Variants in TPST2 observed in about 807,000 individuals in gnomAD.
TPST2 encodes the protein tyrosylprotein sulfotransferase 2.
In TPST2, 16 loss-of-function variants were observed where a neutral mutation model predicts 27.8. The observed-to-expected ratio is 0.58, with a 90% CI of 0.39 to 0.88. The LOEUF is 0.88. Ranked by LOEUF, TPST2 falls within the 40% of genes least tolerant of loss-of-function variation. TPST2 has a pLI of 0.00. For synonymous variants in TPST2, 229 were observed against 231.7 expected, an observed-to-expected ratio of 0.99 and a Z score of 0.10; for missense variants, 464 against 543.1, an observed-to-expected ratio of 0.85 and a Z score of 1.45.
chr22:26,538,513 C>T lies in TPST2; in HGVS notation c.843-2027G>A, dbSNP rs189710900. 2.3e-3 allele frequency among the ~76,000 whole-genome samples: 352 copies of T among 152,322 alleles called. 2 individuals are homozygous for T. Among genetic ancestry groups the T allele is most frequent in the African/African-American group, 7.9e-3 (328 of 41,566 alleles). On this transcript the variant is annotated intron_variant, in intron 3 of 6. Coordinates refer to ENST00000338754, the MANE Select transcript of TPST2 (RefSeq NM_003595.5). ...TATGGCAATCCGTGTAGCAGCCTGT[C>T]GCACAGCTATTCAAAATGATGCTGC...
rs1285143736 is a variant in TPST2 at position 26,522,008 on chromosome 22, A to C, written c.*4267T>G. On this transcript the variant is annotated 3_prime_UTR_variant, in exon 7 of 7. Coordinates refer to ENST00000338754, the MANE Select transcript of TPST2 (RefSeq NM_003595.5). The stretch of plus-strand genomic sequence containing the variant: ...TGAGAAGATATGGTTGGTTCATCAC[A>C]ACCTTTTATTTCACAATATTAATAG... 1.3e-5 allele frequency: 2 copies of C among 152,284 alleles called. No individual in the cohort carries two copies. Among genetic ancestry groups the C allele is most frequent in the Non-Finnish European group, 2.9e-5 (2 of 68,016 alleles). The allele number at this position is 152,284 out of a possible 1,614,324, so 9.4% of individuals were successfully genotyped here.
At chr22:26,582,978 G>A (rs1214750502) in intron 1 of TPST2, among the ~76,000 whole-genome samples, 3 of 152,006 alleles carry the variant, frequency 2.0e-5, no homozygotes, top group Non-Finnish European at 4.4e-5. Flanking sequence ...AGTATGCAAT[G>A]GGGACAACCT....
chr22:26,579,367 G>T (rs1408342604), intron 1 of TPST2, among the ~76,000 whole-genome samples: 1 of 152,206 alleles, frequency 6.6e-6, no homozygotes, highest in Non-Finnish European at 1.5e-5. Flanking sequence ...ACCAAAAACA[G>T]CATCTGCCGT....
intron 1 of TPST2, among the ~76,000 whole-genome samples, chr22:26,547,265 A>G (rs578146477): frequency 3.9e-5 from 6 of 151,970 alleles, no homozygotes; most frequent in Non-Finnish European, 8.8e-5. Context: ...TGCCTGGCTA[A>G]TATTTGTATT....
rs561491432 is a variant in TPST2, at chr22:26,585,941, G to A, written c.-161+4112C>T. The stretch of plus-strand genomic sequence containing the variant: ...GCCTGTAGTTCCAGCTACTCGGGAG[G>A]CTGAGGCAGGAGAATGGCGTGAACC... On this transcript the variant is annotated intron_variant, in intron 1 of 6. Coordinates refer to ENST00000338754, the MANE Select transcript of TPST2 (RefSeq NM_003595.5). 7.2e-5 allele frequency among the ~76,000 whole-genome samples: 11 copies of A among 152,250 alleles called. No homozygotes were observed. In the South Asian group the frequency reaches 2.1e-3, roughly 29 times the overall value.
At chr22:26,589,472 G>C (rs1029230349) in intron 1 of TPST2, among the ~76,000 whole-genome samples, 1 of 151,710 alleles carries the variant, frequency 6.6e-6, no homozygotes, top group African/African-American at 2.4e-5. Flanking sequence ...GGGTTGGGGT[G>C]GGATCCTCGG....
intron 1 of TPST2, among the ~76,000 whole-genome samples, chr22:26,545,106 A>T (rs886894808): frequency 6.6e-6 from 1 of 152,194 alleles, no homozygotes; most frequent in Non-Finnish European, 1.5e-5. Flanking sequence ...GGACTGCACA[A>T]TTCCAAATGG....
intron 1 of TPST2, among the ~76,000 whole-genome samples, chr22:26,584,550 C>A (rs1928262217): frequency 6.6e-6 from 1 of 152,042 alleles, no homozygotes; most frequent in Admixed American, 6.6e-5. Context: ...CCTGTAACCC[C>A]AGCACTTGAG....
intron 1 of TPST2, among the ~76,000 whole-genome samples, chr22:26,586,802 G>A (rs1928364433): frequency 6.6e-6 from 1 of 152,180 alleles, no homozygotes; most frequent in South Asian, 2.1e-4. Context: ...CCTTCTCAAG[G>A]AACTCTTCCT....
intron 1 of TPST2, among the ~76,000 whole-genome samples, chr22:26,564,177 G>T (rs1927266952): frequency 6.6e-6 from 1 of 152,244 alleles, no homozygotes; most frequent in Non-Finnish European, 1.5e-5. Flanking sequence ...GACCTCTAAG[G>T]CCTCTCCCAG....
At chr22:26,564,269 T>C (rs1388480599) in intron 1 of TPST2, among the ~76,000 whole-genome samples, 15 of 152,180 alleles carry the variant, frequency 9.9e-5, no homozygotes, top group Non-Finnish European at 5.9e-5. Context: ...CAGTAGCTGC[T>C]TGGAGCAGGA....
intron 1 of TPST2, among the ~76,000 whole-genome samples, chr22:26,557,772 C>T (rs547298112): frequency 9.1e-5 from 8 of 87,770 alleles, no homozygotes; most frequent in Admixed American, 3.2e-4. Context: ...TGGGGTCAGA[C>T]GTGGTGGCCC....
At position 26,540,945 on chromosome 22, in the gene TPST2, C is replaced by A. The variant is rs1925767193; in HGVS notation, c.686G>T (p.Gly229Val). 6.2e-7 allele frequency: 1 copy of A among 1,614,082 alleles called. No individual in the cohort carries two copies. Among genetic ancestry groups the A allele is most frequent in the Non-Finnish European group, 8.5e-7 (1 of 1,180,036 alleles). ...EVMYAQCMEV[G>V]KEKCLPVYYE... ...GTACACAGGCAGGCACTTCTCCTTG[C>A]CTACCTCCATGCACTGGGCGTACAT... The change falls in exon 3 of 7, where the codon GGC becomes GTC. Residue 229 changes from glycine to valine, a missense_variant. Gly to Val is a moderately radical substitution (Grantham distance 109). Coordinates refer to ENST00000338754, the MANE Select transcript of TPST2 (RefSeq NM_003595.5).
In TPST2 at chr22:26,551,573, C is replaced by G. The variant is rs148705274; in HGVS notation, c.-160-6898G>C. Among the ~76,000 whole-genome samples the G allele has an allele frequency of 1.2e-3, 180 of 152,000 alleles. 1 individual carries two copies. Among genetic ancestry groups the G allele is most frequent in the African/African-American group, 4.1e-3 (170 of 41,464 alleles). ...TGTCTTGCTTTGCATTTTTTTTTAC[C>G]TAAAACCATCAAAGCAGGGTCCCAC... On this transcript the variant is annotated intron_variant, in intron 1 of 6. Coordinates refer to ENST00000338754, the MANE Select transcript of TPST2 (RefSeq NM_003595.5).
At chr22:26,563,620 C>T (rs149352061) in intron 1 of TPST2, among the ~76,000 whole-genome samples, 4 of 151,852 alleles carry the variant, frequency 2.6e-5, no homozygotes, top group Admixed American at 1.3e-4. Flanking sequence ...TGAGCCACCA[C>T]GCCCGGCCCT....
chr22:26,550,253 C>T (rs906170765), intron 1 of TPST2, among the ~76,000 whole-genome samples: 4 of 152,108 alleles, frequency 2.6e-5, no homozygotes, highest in Non-Finnish European at 5.9e-5. Flanking sequence ...TCAAGGGCAA[C>T]AGACAAAGGT....
intron 1 of TPST2, among the ~76,000 whole-genome samples, chr22:26,548,621 G>A (rs1225726420): frequency 6.6e-6 from 1 of 151,708 alleles, no homozygotes; most frequent in African/African-American, 2.4e-5. Flanking sequence ...CAGACATTTT[G>A]GAGTATGGAT....
At chr22:26,547,742 G>T (rs1057486077) in intron 1 of TPST2, 1 of 152,232 alleles carries the variant, frequency 6.6e-6, no homozygotes, top group Non-Finnish European at 1.5e-5. Flanking sequence ...TTGAGCCCAG[G>T]AGATCAAGGC....
chr22:26,555,353 C>T (rs909753931), intron 1 of TPST2: 14 of 473,778 alleles, frequency 3.0e-5, no homozygotes, highest in African/African-American at 1.2e-4. Context: ...ATGCAATCAT[C>T]GTGGAGTGCA....
Sources: allele counts gnomAD v4.1 joint callset (sites outside exome capture counted in the v4.1 genomes callset), GRCh38; gene constraint gnomAD v4.1.1; transcripts MANE v1.5; gene names NCBI Gene and HGNC (gene_info 2026-07-23, HGNC 2026-07-21).